The following PCDH7 variants were observed in gnomAD, a reference collection of about 807,000 sequenced individuals.
PCDH7 encodes protocadherin 7.
Under a neutral mutation model 58.9 loss-of-function variants are expected in PCDH7, and 17 were observed. The observed-to-expected ratio is 0.29, with a 90% CI of 0.20 to 0.43. PCDH7 has a LOEUF of 0.43. Ranked by LOEUF, PCDH7 falls within the 20% of genes least tolerant of loss-of-function variation. The pLI is 1.00. For missense variants in PCDH7, 1,274 were observed against 1,441.0 expected (o/e 0.88, Z 1.88); for synonymous variants, 664 against 616.4 (o/e 1.08, Z -1.14).
chr4:30,730,362 C>G (rs1715308578), intron 1 of PCDH7, among the ~76,000 whole-genome samples: 1 of 151,976 alleles, frequency 6.6e-6, no homozygotes, highest in Admixed American at 6.6e-5. Flanking sequence ...TTACACTGTG[C>G]TTTATTTAGC....
At chr4:30,960,151 A>AAGG (rs1488439402) in intron 3 of PCDH7, among the ~76,000 whole-genome samples, 4 of 30,860 alleles carry the variant, frequency 1.3e-4, no homozygotes, top group Non-Finnish European at 9.8e-5. Context: ...GGAAGGAAGG[A>AAGG]AGGGAGGGAG....
At chr4:30,982,111 T>C (rs1055218807) in intron 3 of PCDH7, among the ~76,000 whole-genome samples, 2 of 152,232 alleles carry the variant, frequency 1.3e-5, no homozygotes, top group Non-Finnish European at 2.9e-5. Context: ...ATGTATATGT[T>C]AGTTAGCTCA....
chr4:30,746,290 G>A (rs1005939731), intron 1 of PCDH7, among the ~76,000 whole-genome samples: 1 of 152,162 alleles, frequency 6.6e-6, no homozygotes, highest in African/African-American at 2.4e-5. Context: ...TTTAAAAAGT[G>A]TCCTGGCCCA....
At chr4:30,820,982 G>A (rs1036158311) in intron 1 of PCDH7, among the ~76,000 whole-genome samples, 2 of 152,084 alleles carry the variant, frequency 1.3e-5, no homozygotes, top group African/African-American at 2.4e-5. Context: ...GACACTAATG[G>A]CTTAAATATT....
intron 3 of PCDH7, among the ~76,000 whole-genome samples, chr4:30,951,296 C>T (rs930691646): frequency 6.6e-6 from 1 of 152,080 alleles, no homozygotes; most frequent in Non-Finnish European, 1.5e-5. Flanking sequence ...CATTTTTCTA[C>T]TGTATTTGAA....
At chr4:30,745,398 T>C (rs746779972) in intron 1 of PCDH7, among the ~76,000 whole-genome samples, 4 of 152,148 alleles carry the variant, frequency 2.6e-5, no homozygotes, top group Non-Finnish European at 2.9e-5. Flanking sequence ...GGAGCACTTA[T>C]CATGTGTCCT....
At chr4:31,134,565 T>A (rs1263847771) in intron 3 of PCDH7, among the ~76,000 whole-genome samples, 2 of 152,236 alleles carry the variant, frequency 1.3e-5, no homozygotes, top group Non-Finnish European at 2.9e-5. Flanking sequence ...AATATATCTA[T>A]GATCATTATT....
At chr4:31,073,754 C>A (rs1004672257) in intron 3 of PCDH7, among the ~76,000 whole-genome samples, 1 of 152,088 alleles carries the variant, frequency 6.6e-6, no homozygotes, top group African/African-American at 2.4e-5. Context: ...ATAACACAAA[C>A]CTTAGTATTT....
chr4:30,807,985 A>G (rs1726462815), intron 1 of PCDH7, among the ~76,000 whole-genome samples: 1 of 152,224 alleles, frequency 6.6e-6, no homozygotes, highest in Non-Finnish European at 1.5e-5. Flanking sequence ...TGGAGAGTCT[A>G]CAGTGACATG....
In PCDH7 at chr4:30,880,334, A is replaced by G. The variant is rs553251443; in HGVS notation, c.71-39819A>G. Among the ~76,000 whole-genome samples the G allele has an allele frequency of 1.8e-4, 27 of 152,138 alleles. No individual in the cohort carries two copies. The East Asian group carries it at 4.1e-3, about 23-fold the overall frequency. ...CTTTACTATAGAAAGTCCATATTAC[A>G]AAGGACTCCTTATATAAAGAGCTTA... On this transcript the variant is annotated intron_variant, in intron 1 of 3. Coordinates refer to the PCDH7 transcript ENST00000509759.
chr4:31,100,156 C>A (rs1040465783), intron 3 of PCDH7, among the ~76,000 whole-genome samples: 21 of 151,920 alleles, frequency 1.4e-4, no homozygotes, highest in African/African-American at 5.1e-4. Context: ...TTCTTTAGCT[C>A]AAGAAAGGTC....
chr4:30,968,376 CTATATATA>C (rs60085619), intron 3 of PCDH7, among the ~76,000 whole-genome samples: 33 of 67,050 alleles, frequency 4.9e-4, no homozygotes, highest in East Asian at 1.5e-3. Context: ...TATACACACA[CTATATATA>C]TATATATATA....
rs144581854 is a variant in PCDH7 at position 30,917,117 on chromosome 4, T to C, written c.71-3036T>C. On this transcript the variant is annotated intron_variant, in intron 1 of 3. Coordinates refer to the PCDH7 transcript ENST00000509759. ...ATCTTTCTGGAATATATAAATAATA[T>C]GAATATTGTGTCATAACCTTTGCGG... Among the ~76,000 whole-genome samples the C allele has an allele frequency of 8.8e-3, 1,342 of 152,280 alleles. 14 individuals are homozygous for C. Among genetic ancestry groups the C allele is most frequent in the Non-Finnish European group, 9.9e-3 (671 of 68,016 alleles).
At chr4:31,002,760 A>C (rs983076692) in intron 3 of PCDH7, among the ~76,000 whole-genome samples, 1 of 152,210 alleles carries the variant, frequency 6.6e-6, no homozygotes, top group African/African-American at 2.4e-5. Flanking sequence ...AGAATGATGC[A>C]TGTATCTGTT....
intron 3 of PCDH7, among the ~76,000 whole-genome samples, chr4:30,981,039 T>A (rs1394205283): frequency 6.6e-6 from 1 of 152,190 alleles, no homozygotes; most frequent in Admixed American, 6.5e-5. Flanking sequence ...GATGGAAGTT[T>A]CACCATGTTG....
chr4:30,867,754 A>C (rs1364723303), intron 1 of PCDH7, among the ~76,000 whole-genome samples: 1 of 152,214 alleles, frequency 6.6e-6, no homozygotes, highest in East Asian at 1.9e-4. Context: ...TGTCACTCAT[A>C]TGGATCACCT....
chr4:30,787,315 A>T (rs1723532475), intron 1 of PCDH7, among the ~76,000 whole-genome samples: 1 of 152,134 alleles, frequency 6.6e-6, no homozygotes, highest in South Asian at 2.1e-4. Context: ...ATGGAAATGT[A>T]TACCTCAGGA....
At chr4:30,989,617 G>A (rs1282673569) in intron 3 of PCDH7, among the ~76,000 whole-genome samples, 2 of 152,142 alleles carry the variant, frequency 1.3e-5, no homozygotes, top group African/African-American at 4.8e-5. Flanking sequence ...ACCCTTGTGA[G>A]CTCTAACCTC....
At chr4:30,837,328 T>C (rs1323991348) in intron 1 of PCDH7, among the ~76,000 whole-genome samples, 1 of 152,042 alleles carries the variant, frequency 6.6e-6, no homozygotes, top group Non-Finnish European at 1.5e-5. Flanking sequence ...CATTGGACAC[T>C]ACTAAGAGGA....
Sources: allele counts gnomAD v4.1 joint callset (sites outside exome capture counted in the v4.1 genomes callset), GRCh38; gene constraint gnomAD v4.1.1; transcripts MANE v1.5; gene names NCBI Gene and HGNC (gene_info 2026-07-23, HGNC 2026-07-21).